Variants in ACOX3 observed in about 807,000 individuals in gnomAD.
ACOX3 encodes the protein acyl-CoA oxidase 3, pristanoyl.
ACOX3 carries 73 observed loss-of-function variants against 81.5 expected under a neutral mutation model. The ratio of observed to expected loss-of-function variants is 0.90; its 90% CI spans 0.74 to 1.09. The LOEUF (loss-of-function observed/expected upper bound fraction) is 1.09. Ranked by LOEUF, ACOX3 falls within the 50% of genes least tolerant of loss-of-function variation. The probability of loss-of-function intolerance (pLI) is 0.00; values close to 1 mark genes in which losing one functional copy is unlikely to be tolerated. For synonymous variants in ACOX3, 387 were observed against 375.1 expected, an observed-to-expected ratio of 1.03 and a Z score of -0.37; for missense variants, 947 against 928.0, an observed-to-expected ratio of 1.02 and a Z score of -0.27.
In ACOX3 at chr4:8,405,197, G is replaced by A. The variant is rs889866609; in HGVS notation, c.776+758C>T. ...AATCCAATCCCTCAAAGACCCTCAA[G>A]GCCCTTGCGGCCTGGCCTCCCTACC... is the stretch of plus-strand genomic sequence containing the variant. On this transcript the variant is annotated intron_variant, in intron 7 of 17. Coordinates refer to ENST00000356406, the MANE Select transcript of ACOX3 (RefSeq NM_003501.3). The surrounding 1 kb of genome is among the most constrained non-coding windows in gnomAD (Gnocchi z 7.1). 9.2e-5 allele frequency among the ~76,000 whole-genome samples: 14 copies of A among 152,172 alleles called. No homozygotes were observed. The highest frequency in any genetic ancestry group is 1.8e-4 in the Non-Finnish European group (12 of 68,026).
intron 7 of ACOX3, among the ~76,000 whole-genome samples, chr4:8,402,503 A>G (rs1211301560): frequency 1.3e-5 from 2 of 152,206 alleles, no homozygotes; most frequent in Non-Finnish European, 2.9e-5. Context: ...GGTCACAGTC[A>G]GCGCCCTTTT....
chr4:8,399,562 G>C lies in ACOX3; in HGVS notation c.867C>G (p.Pro289=), dbSNP rs749776895. The C allele has an allele frequency of 1.2e-6, 2 of 1,613,406 alleles. No individual in the cohort carries two copies. Among genetic ancestry groups the C allele is most frequent in the Non-Finnish European group, 1.7e-6 (2 of 1,179,338 alleles). ...DVTPEGTYVS[P]FKDVRQRFGA... ...CGGCCCCCCATGCCTGTACCTTAAAGGGGCTGACATAGGTGCCCTCGGGGG... is the reference window on the plus strand; with the variant it reads ...CGGCCCCCCATGCCTGTACCTTAAACGGGCTGACATAGGTGCCCTCGGGGG... Residue 289 remains proline (P), a synonymous_variant, in exon 8 of 18, where the codon CCC becomes CCG. Coordinates refer to ENST00000356406, the MANE Select transcript of ACOX3 (RefSeq NM_003501.3). The surrounding 1 kb of genome is among the most constrained non-coding windows in gnomAD (Gnocchi z 4.9).
At chr4:8,404,927 C>T (rs1478221453) in intron 7 of ACOX3, among the ~76,000 whole-genome samples, 1 of 152,156 alleles carries the variant, frequency 6.6e-6, no homozygotes, top group Non-Finnish European at 1.5e-5. Flanking sequence ...GGATCAGGCT[C>T]TCGGGGGAGA....
At chr4:8,380,660 CTGGGT>C (rs1717523908) in intron 14 of ACOX3, among the ~76,000 whole-genome samples, 1 of 152,200 alleles carries the variant, frequency 6.6e-6, no homozygotes, top group East Asian at 1.9e-4. Flanking sequence ...AGATGTGGAC[CTGGGT>C]CCCCATAGCA....
Position 8,394,501 on chromosome 4 carries a change from G to A in ACOX3, c.1179+119C>T. 1.4e-6 allele frequency: 2 copies of A among 1,441,500 alleles called. No homozygotes were observed. The highest frequency in any genetic ancestry group is 1.8e-6 in the Non-Finnish European group (2 of 1,081,330). 89.3% of individuals were successfully genotyped at this position (1,441,500 alleles called of 1,614,324 possible). On this transcript the variant is annotated intron_variant, in intron 10 of 17. Transcript: ENST00000356406. This position sits in a 1 kb window ranked among gnomAD's most constrained non-coding sequence, Gnocchi z 5.9. ...TCCGAGTGGGTGGGAACAACTGGAG[G>A]AATGCTCTGTCCTCGCAAATCAAAG...
At chr4:8,404,664 G>A (rs1720735449) in intron 7 of ACOX3, among the ~76,000 whole-genome samples, 3 of 152,230 alleles carry the variant, frequency 2.0e-5, no homozygotes, top group Non-Finnish European at 4.4e-5. Context: ...ATCGCTGAGC[G>A]CTCAGATGCC....
intron 6 of ACOX3, among the ~76,000 whole-genome samples, chr4:8,408,234 C>T (rs1414610153): frequency 6.8e-6 from 1 of 147,462 alleles, no homozygotes; most frequent in Non-Finnish European, 1.5e-5. Flanking sequence ...CAGCAAGGCC[C>T]AGTAAAGATT....
Position 8,382,808 on chromosome 4 carries a change from C to T in ACOX3, c.1538-1201G>A, listed in dbSNP as rs1176556970. The stretch of plus-strand genomic sequence containing the variant: ...GAGATCGAGACCATCCTGGCTAACA[C>T]GGTGAAACCCCGTCTCTACTAAAAA... On this transcript the variant is annotated intron_variant, in intron 13 of 17. Coordinates refer to ENST00000356406, the MANE Select transcript of ACOX3 (RefSeq NM_003501.3). This position sits in a 1 kb window ranked among gnomAD's most constrained non-coding sequence, Gnocchi z 4.1. 5.3e-5 allele frequency among the ~76,000 whole-genome samples: 8 copies of T among 151,894 alleles called. No homozygotes were observed. Among genetic ancestry groups the T allele is most frequent in the East Asian group, 3.9e-4 (2 of 5,136 alleles).
At position 8,414,465 on chromosome 4, in the gene ACOX3, T is replaced by C; in HGVS notation, c.454-84A>G. 8.0e-7 allele frequency: 1 copy of C among 1,255,076 alleles called. No homozygotes were observed. The highest frequency in any genetic ancestry group is 1.8e-5 in the Admixed American group (1 of 54,632). The allele number at this position is 1,255,076 out of a possible 1,614,324, so 77.7% of individuals were successfully genotyped here. A position where few individuals can be genotyped will look rare whatever the true frequency, so the allele number is the denominator to read the frequency against. On this transcript the variant is annotated intron_variant, in intron 4 of 17. Transcript: ENST00000356406. The surrounding 1 kb of genome is among the most constrained non-coding windows in gnomAD (Gnocchi z 6.1). ...GAAGGACCTCACTGCCATCTTTCCT[T>C]TAAAGATGAAACCACATATCAAAGC...
At chr4:8,421,767 T>C (rs1003874597) in intron 1 of ACOX3, among the ~76,000 whole-genome samples, 3 of 152,188 alleles carry the variant, frequency 2.0e-5, no homozygotes, top group Admixed American at 6.5e-5. Context: ...AATTTAGATA[T>C]ACAGCTCTCG....
downstream of ACOX3, among the ~76,000 whole-genome samples, chr4:8,363,822 C>T (rs1364780251): frequency 6.6e-6 from 1 of 152,128 alleles, no homozygotes; most frequent in African/African-American, 2.4e-5. Context: ...CTCACTGCTA[C>T]ACTCCCACCA....
Position 8,389,460 on chromosome 4 carries a change from T to C in ACOX3, c.1423+152A>G. On this transcript the variant is annotated intron_variant, in intron 12 of 17. Coordinates refer to ENST00000356406, the MANE Select transcript of ACOX3 (RefSeq NM_003501.3). This position sits in a 1 kb window ranked among gnomAD's most constrained non-coding sequence, Gnocchi z 5.3. ...CCCCACCCCAGCCTTTGCCCATGCCTTGGGGAGTTGGTCGGCACTATCTAA... is the reference window on the plus strand; with the variant it reads ...CCCCACCCCAGCCTTTGCCCATGCCCTGGGGAGTTGGTCGGCACTATCTAA... 1 of 1,376,946 alleles carries C rather than the reference T, an allele frequency of 7.3e-7. No individual in the cohort carries two copies. Among genetic ancestry groups the C allele is most frequent in the Non-Finnish European group, 9.9e-7 (1 of 1,007,878 alleles). The allele number at this position is 1,376,946 out of a possible 1,614,324, so 85.3% of individuals were successfully genotyped here. A position where few individuals can be genotyped will look rare whatever the true frequency, so the allele number is the denominator to read the frequency against.
At chr4:8,375,190 C>G in intron 14 of ACOX3, 38 bp from the exon 15 acceptor site, 8 of 1,477,246 alleles carry the variant, frequency 5.4e-6, no homozygotes, top group Non-Finnish European at 7.2e-6. Context: ...CCGTGAGGGT[C>G]CCAGCCCCGC....
chr4:8,425,832 T>C (rs931829380), intron 1 of ACOX3, among the ~76,000 whole-genome samples: 3 of 151,876 alleles, frequency 2.0e-5, no homozygotes, highest in African/African-American at 7.3e-5. Flanking sequence ...AGAGTGACAA[T>C]GGCCCCGCTT....
chr4:8,385,342 A>C lies in ACOX3; in HGVS notation c.1538-3735T>G, dbSNP rs553705689. Among the ~76,000 whole-genome samples the C allele has an allele frequency of 4.6e-4, 69 of 151,570 alleles. No individual in the cohort carries two copies. Among genetic ancestry groups the C allele is most frequent in the African/African-American group, 1.6e-3 (68 of 41,262 alleles). ...CCTGTGACCTCACTGCTCACCTCACATGACCTCACTGTGCACTCCACGTGA... is the reference window on the plus strand; with the variant it reads ...CCTGTGACCTCACTGCTCACCTCACCTGACCTCACTGTGCACTCCACGTGA... On this transcript the variant is annotated intron_variant, in intron 13 of 17. Transcript: ENST00000356406. The surrounding 1 kb of genome is among the most constrained non-coding windows in gnomAD (Gnocchi z 5.5).
rs1420362782 is a variant in ACOX3, at chr4:8,370,432, T to G, written c.1983+476A>C. On this transcript the variant is annotated intron_variant, in intron 17 of 17. Transcript: ENST00000356406. The surrounding 1 kb of genome is among the most constrained non-coding windows in gnomAD (Gnocchi z 6.3). ...GAGCTGAGGAGCCACAGGGAGGCGG[T>G]TGGGGGAAAGCGGGGCAGGGGAGAG... Among the ~76,000 whole-genome samples, 1 of 151,134 alleles carries G rather than the reference T, an allele frequency of 6.6e-6. No homozygotes were observed. The highest frequency in any genetic ancestry group is 1.5e-5 in the Non-Finnish European group (1 of 67,748).
intron 14 of ACOX3, among the ~76,000 whole-genome samples, chr4:8,380,856 G>T (rs74733981): frequency 0.014 from 2,185 of 152,204 alleles, 63 homozygotes; most frequent in African/African-American, 0.05. Flanking sequence ...AGACACATCC[G>T]GGAGCCCTAC....
Position 8,368,730 on chromosome 4 carries a change from C to CT in ACOX3, c.1984-1651dup, listed in dbSNP as rs1427735857. Among the ~76,000 whole-genome samples the CT allele has an allele frequency of 0.02, 2,826 of 139,208 alleles. 60 individuals carry two copies. Among genetic ancestry groups the CT allele is most frequent in the African/African-American group, 0.058 (2,218 of 38,102 alleles). 91.3% of individuals were successfully genotyped at this position (139,208 alleles called of 152,430 possible). A position where few individuals can be genotyped will look rare whatever the true frequency, so the allele number is the denominator to read the frequency against. On this transcript the variant is annotated intron_variant, in intron 17 of 17. Coordinates refer to ENST00000356406, the MANE Select transcript of ACOX3 (RefSeq NM_003501.3). This position sits in a 1 kb window ranked among gnomAD's most constrained non-coding sequence, Gnocchi z 5.9. The stretch of plus-strand genomic sequence containing the variant: ...GTTCCTTGCAACTGGAAGGAATGCA[C>CT]TTTTTTTTTTTTTTTTGAGATGAGG...
At chr4:8,396,398 C>T (rs2386223) in intron 9 of ACOX3, among the ~76,000 whole-genome samples, 53,291 of 152,044 alleles carry the variant, frequency 0.35, 10,183 homozygotes, top group South Asian at 0.47. Flanking sequence ...TCTTTCTGGC[C>T]GGGCACAGTG....
Sources: allele counts gnomAD v4.1 joint callset (sites outside exome capture counted in the v4.1 genomes callset), GRCh38; gene constraint gnomAD v4.1.1; non-coding constraint Gnocchi (gnomAD v3.1); transcripts MANE v1.5; gene names NCBI Gene and HGNC (gene_info 2026-07-23, HGNC 2026-07-21).